Variants in UBE2E3 observed in about 807,000 individuals in gnomAD.
The protein encoded by UBE2E3 is ubiquitin conjugating enzyme E2 E3.
UBE2E3 carries 5 observed loss-of-function variants against 23.6 expected under a neutral mutation model. That is an observed-to-expected ratio of 0.21 (90% CI 0.11 to 0.44). UBE2E3 has a LOEUF of 0.44. Ranked by LOEUF, UBE2E3 falls within the 20% of genes least tolerant of loss-of-function variation. UBE2E3 has a pLI of 0.99. For synonymous variants in UBE2E3, 78 were observed against 87.5 expected (o/e 0.89, Z 0.60); for missense variants, 81 against 249.8 (o/e 0.32, Z 4.55).
At chr2:180,997,996 CTT>C (rs1684878253) in intron 3 of UBE2E3, among the ~76,000 whole-genome samples, 1 of 151,952 alleles carries the variant, frequency 6.6e-6, no homozygotes, top group African/African-American at 2.4e-5. Flanking sequence ...GGGTATAGCT[CTT>C]ATATTTCTTT....
At chr2:181,048,474 A>G (rs1275003200) in intron 3 of UBE2E3, among the ~76,000 whole-genome samples, 4 of 152,284 alleles carry the variant, frequency 2.6e-5, no homozygotes, top group Admixed American at 1.3e-4. Context: ...TTAATAAGCA[A>G]TACCATTTCC....
intron 3 of UBE2E3, among the ~76,000 whole-genome samples, chr2:180,995,178 T>TA (rs1041083042): frequency 2.0e-5 from 3 of 152,088 alleles, no homozygotes; most frequent in Admixed American, 2.0e-4. Context: ...TTTCGTGCAA[T>TA]ACTGTAAATA....
At chr2:180,996,346 G>C (rs1449428544) in intron 3 of UBE2E3, among the ~76,000 whole-genome samples, 1 of 152,166 alleles carries the variant, frequency 6.6e-6, no homozygotes, top group African/African-American at 2.4e-5. Flanking sequence ...AGAACTGAGA[G>C]ATCTTTATTA....
chr2:181,018,213 A>G (rs143562801), intron 3 of UBE2E3, among the ~76,000 whole-genome samples: 11 of 152,198 alleles, frequency 7.2e-5, no homozygotes, highest in South Asian at 2.1e-4. Flanking sequence ...GTAGCAATTT[A>G]TGCCAATAAA....
At chr2:180,984,756 A>G (rs996692968) in intron 3 of UBE2E3, among the ~76,000 whole-genome samples, 1 of 152,188 alleles carries the variant, frequency 6.6e-6, no homozygotes, top group Non-Finnish European at 1.5e-5. Context: ...ACTCAGGTAG[A>G]TGAATTTAAG....
rs1028864444 is a variant in UBE2E3 at position 181,045,170 on chromosome 2, T to C, written c.246-12523T>C. Reference sequence around the variant, plus strand: ...AGACAAATGTGTAAGCAAAATTACTTGTGCTGTGTATGAGTAAGAAGGTTG... The same window carrying C: ...AGACAAATGTGTAAGCAAAATTACTCGTGCTGTGTATGAGTAAGAAGGTTG... On this transcript the variant is annotated intron_variant, in intron 3 of 5. Coordinates refer to ENST00000410062, the MANE Select transcript of UBE2E3 (RefSeq NM_006357.4). Among the ~76,000 whole-genome samples, 108 of 152,200 alleles carry C rather than the reference T, an allele frequency of 7.1e-4. 5 individuals carry two copies. Among genetic ancestry groups the C allele is most frequent in the Non-Finnish European group, 1.2e-4 (8 of 68,034 alleles).
chr2:181,050,860 A>T (rs1347377229), intron 3 of UBE2E3, among the ~76,000 whole-genome samples: 1 of 151,904 alleles, frequency 6.6e-6, no homozygotes, highest in African/African-American at 2.4e-5. Flanking sequence ...AGTTATGTTA[A>T]TAGTAAAATA....
At position 181,010,210 on chromosome 2, in the gene UBE2E3, TGTG is replaced by T. The variant is rs574515806; in HGVS notation, c.245+26120_245+26122del. Among the ~76,000 whole-genome samples the T allele has an allele frequency of 4.5e-3, 690 of 152,302 alleles. 16 individuals are homozygous for T. The highest frequency in any genetic ancestry group is 4.4e-3 in the Non-Finnish European group (299 of 68,020). ...AGCTTTATTATTTTATATTATTAAT[TGTG>T]GTTCTCTATAGTTCTTTTTCATTCA... On this transcript the variant is annotated intron_variant, in intron 3 of 5. Coordinates refer to ENST00000410062, the MANE Select transcript of UBE2E3 (RefSeq NM_006357.4).
intron 3 of UBE2E3, among the ~76,000 whole-genome samples, chr2:181,054,836 C>T (rs1686943453): frequency 6.6e-6 from 1 of 151,640 alleles, no homozygotes; most frequent in African/African-American, 2.4e-5. Flanking sequence ...AGTGTAAGGT[C>T]TTAGCTCTGG....
intron 2 of UBE2E3, 115 bp downstream of exon 2, chr2:180,982,351 A>T: frequency 1.1e-6 from 1 of 927,804 alleles, no homozygotes; most frequent in Non-Finnish European, 1.7e-6. Flanking sequence ...CTTCATTATC[A>T]GTTTAATTGT....
At chr2:181,012,007 T>C (rs970656387) in intron 3 of UBE2E3, among the ~76,000 whole-genome samples, 11 of 152,112 alleles carry the variant, frequency 7.2e-5, no homozygotes, top group African/African-American at 2.7e-4. Context: ...AAACCATCAT[T>C]TTATGTGGAA....
At chr2:181,017,592 G>A (rs537755630) in intron 3 of UBE2E3, among the ~76,000 whole-genome samples, 1 of 151,546 alleles carries the variant, frequency 6.6e-6, no homozygotes, top group Admixed American at 6.6e-5. Flanking sequence ...TTTGGGAAAT[G>A]TAGCTTTTTC....
chr2:181,008,200 T>C (rs901258535), intron 3 of UBE2E3, among the ~76,000 whole-genome samples: 3 of 152,192 alleles, frequency 2.0e-5, no homozygotes, highest in African/African-American at 4.8e-5. Flanking sequence ...GCTTATGATG[T>C]TTTGTTTCTT....
intron 3 of UBE2E3, chr2:180,989,930 T>C (rs1272983941): frequency 1.3e-6 from 2 of 1,549,460 alleles, no homozygotes; most frequent in African/African-American, 2.7e-5. Context: ...AGATTGAGAA[T>C]GAAGAACTTG....
At chr2:180,993,070 C>G (rs1684713511) in intron 3 of UBE2E3, among the ~76,000 whole-genome samples, 1 of 151,412 alleles carries the variant, frequency 6.6e-6, no homozygotes, top group Admixed American at 6.5e-5. Flanking sequence ...AATTGTAAAG[C>G]CTTGGGATTT....
intron 1 of UBE2E3, 108 bp from the exon 2 acceptor site, chr2:180,981,910 T>G (rs1296700423): frequency 2.5e-6 from 2 of 802,722 alleles, no homozygotes; most frequent in African/African-American, 1.7e-5. Context: ...TGAACACTTT[T>G]GAAGCTTTTT....
intron 3 of UBE2E3, among the ~76,000 whole-genome samples, chr2:180,991,906 T>C (rs1459440215): frequency 1.3e-5 from 2 of 152,192 alleles, no homozygotes; most frequent in African/African-American, 2.4e-5. Flanking sequence ...TTTCTGGAAT[T>C]TTTCCATTTA....
intron 3 of UBE2E3, among the ~76,000 whole-genome samples, chr2:181,041,010 G>T (rs1240119207): frequency 1.3e-5 from 2 of 151,976 alleles, no homozygotes; most frequent in Admixed American, 6.6e-5. Context: ...AGCACTTTGG[G>T]AGACCCAGGC....
chr2:181,027,206 C>T (rs909470176), intron 3 of UBE2E3, among the ~76,000 whole-genome samples: 1 of 151,890 alleles, frequency 6.6e-6, no homozygotes, highest in African/African-American at 2.4e-5. Context: ...GGATTTGTAA[C>T]GTATATATGT....
Sources: allele counts gnomAD v4.1 joint callset (sites outside exome capture counted in the v4.1 genomes callset), GRCh38; gene constraint gnomAD v4.1.1; transcripts MANE v1.5; gene names NCBI Gene and HGNC (gene_info 2026-07-23, HGNC 2026-07-21).